Variants in FLVCR2 observed in about 807,000 individuals in gnomAD.
The protein encoded by FLVCR2 is FLVCR choline and putative heme transporter 2, also known as choline/ethanolamine transporter FLVCR2.
In FLVCR2, 38 loss-of-function variants were observed where a neutral mutation model predicts 48.9. The observed-to-expected ratio is 0.78, with a 90% confidence interval of 0.60 to 1.02. The LOEUF (loss-of-function observed/expected upper bound fraction) is 1.02, where lower values mean the gene tolerates loss of function less well. Among genes scored for constraint, FLVCR2 ranks in the 50% least tolerant of loss-of-function variants. The pLI is 0.00. For synonymous variants in FLVCR2, 255 were observed against 257.0 expected (o/e 0.99, Z 0.07); for missense variants, 664 against 663.3 (o/e 1.00, Z -0.01).
chr14:75,626,000 CT>C (rs1021902151), intron 3 of FLVCR2, among the ~76,000 whole-genome samples: 2 of 151,482 alleles, frequency 1.3e-5, no homozygotes, highest in African/African-American at 2.4e-5. Flanking sequence ...TGCTTTTTTT[CT>C]TTTTTTTAAG....
intron 1 of FLVCR2, among the ~76,000 whole-genome samples, chr14:75,607,532 A>C (rs1302493115): frequency 1.3e-5 from 2 of 152,138 alleles, no homozygotes; most frequent in African/African-American, 4.8e-5. Context: ...AGGGCTGGGA[A>C]TGGAACCTCA....
intron 1 of FLVCR2, among the ~76,000 whole-genome samples, chr14:75,601,360 T>G (rs1481838679): frequency 1.3e-5 from 2 of 152,230 alleles, no homozygotes; most frequent in Non-Finnish European, 2.9e-5. Flanking sequence ...ATCACAGTGC[T>G]GCAGAGATTT....
At chr14:75,617,130 G>A (rs149612227) in intron 1 of FLVCR2, among the ~76,000 whole-genome samples, 2 of 152,190 alleles carry the variant, frequency 1.3e-5, no homozygotes, top group African/African-American at 4.8e-5. Flanking sequence ...AGCTGGCATA[G>A]CATGTGTGTT....
chr14:75,645,643 C>T (rs915419860), intron 9 of FLVCR2, among the ~76,000 whole-genome samples: 2 of 152,134 alleles, frequency 1.3e-5, no homozygotes, highest in South Asian at 2.1e-4. Context: ...CTCAGCTGGG[C>T]GCGGTGGGTC....
intron 1 of FLVCR2, among the ~76,000 whole-genome samples, chr14:75,582,651 G>A (rs1888639433): frequency 6.6e-6 from 1 of 152,180 alleles, no homozygotes; most frequent in South Asian, 2.1e-4. Flanking sequence ...GCACAGCCCT[G>A]TACTTTGGCT....
At chr14:75,619,677 A>AT (rs1478261594) in intron 1 of FLVCR2, among the ~76,000 whole-genome samples, 3 of 152,220 alleles carry the variant, frequency 2.0e-5, no homozygotes, top group Admixed American at 2.0e-4. Flanking sequence ...CTGGGCATAA[A>AT]TGTACCTCCA....
At chr14:75,598,716 T>C (rs1241109053) in intron 1 of FLVCR2, among the ~76,000 whole-genome samples, 1 of 152,248 alleles carries the variant, frequency 6.6e-6, no homozygotes, top group East Asian at 1.9e-4. Flanking sequence ...CCTCAAGCGA[T>C]CCTGCTGCCT....
At chr14:75,622,253 G>A (rs1800464269) in intron 2 of FLVCR2, 33 bp downstream of exon 2, 1 of 1,609,540 alleles carries the variant, frequency 6.2e-7, no homozygotes, top group Non-Finnish European at 8.5e-7. Flanking sequence ...GGGGTAGCAG[G>A]GGGCGAAGGG....
chr14:75,606,977 G>A (rs1400839414), intron 1 of FLVCR2, among the ~76,000 whole-genome samples: 1 of 151,954 alleles, frequency 6.6e-6, no homozygotes, highest in African/African-American at 2.4e-5. Flanking sequence ...CTGGGCACCA[G>A]AGCAGACCCA....
intron 5 of FLVCR2, among the ~76,000 whole-genome samples, chr14:75,636,276 G>T (rs1032754959): frequency 3.9e-5 from 6 of 152,214 alleles, no homozygotes; most frequent in African/African-American, 1.4e-4. Context: ...CATTCTGGCT[G>T]CCCTAATCAA....
chr14:75,598,729 G>T (rs1238106004), intron 1 of FLVCR2, among the ~76,000 whole-genome samples: 2 of 152,186 alleles, frequency 1.3e-5, no homozygotes, highest in Non-Finnish European at 2.9e-5. Context: ...TGCTGCCTCC[G>T]CCTCCCACAG....
At chr14:75,582,973 GTA>G (rs1263868275) in intron 1 of FLVCR2, among the ~76,000 whole-genome samples, 1 of 152,186 alleles carries the variant, frequency 6.6e-6, no homozygotes, top group Admixed American at 6.5e-5. Context: ...GCCAAGATAG[GTA>G]ACAGATGAAG....
chr14:75,595,856 G>A (rs1334988025), intron 1 of FLVCR2: 2 of 1,001,542 alleles, frequency 2.0e-6, no homozygotes, highest in Admixed American at 1.7e-5. Context: ...CAGTCCCCCT[G>A]ACTTTCCTCA....
rs1333329122 is a variant in FLVCR2, at chr14:75,641,310, G to C, written c.1453+17G>C. Reference sequence around the variant, plus strand: ...CCCTCACTGGTGAGTTGGAGCCTGAGGGCAAGATGAGGCTCAGGTTGGCCA... The same window carrying C: ...CCCTCACTGGTGAGTTGGAGCCTGACGGCAAGATGAGGCTCAGGTTGGCCA... On this transcript the variant is annotated intron_variant, in intron 8 of 9. Transcript: ENST00000238667. 6.3e-7 allele frequency: 1 copy of C among 1,583,524 alleles called. No homozygotes were observed. The highest frequency in any genetic ancestry group is 8.7e-7 in the Non-Finnish European group (1 of 1,152,476).
At chr14:75,600,526 G>C (rs1471529263) in intron 1 of FLVCR2, among the ~76,000 whole-genome samples, 1 of 152,100 alleles carries the variant, frequency 6.6e-6, no homozygotes, top group Non-Finnish European at 1.5e-5. Context: ...ACTGAGATCT[G>C]TATCAGAACC....
intron 1 of FLVCR2, among the ~76,000 whole-genome samples, chr14:75,588,778 C>T (rs1176807041): frequency 6.6e-6 from 1 of 152,152 alleles, no homozygotes; most frequent in African/African-American, 2.4e-5. Context: ...TGCACCTGGC[C>T]CCCCAACACA....
intron 1 of FLVCR2, among the ~76,000 whole-genome samples, chr14:75,617,478 C>G (rs1165121454): frequency 6.6e-6 from 1 of 152,164 alleles, no homozygotes; most frequent in Admixed American, 6.5e-5. Context: ...GTTAAACACC[C>G]TCTATTGGGA....
At chr14:75,629,445 T>C (rs1889984812) in intron 3 of FLVCR2, among the ~76,000 whole-genome samples, 1 of 152,222 alleles carries the variant, frequency 6.6e-6, no homozygotes, top group South Asian at 2.1e-4. Flanking sequence ...CCTTTAACTT[T>C]GGCAATGTGG....
intron 9 of FLVCR2, among the ~76,000 whole-genome samples, chr14:75,645,356 C>T (rs918083043): frequency 1.3e-5 from 2 of 152,110 alleles, no homozygotes; most frequent in Non-Finnish European, 2.9e-5. Context: ...GTGCCCAAGG[C>T]CTTCTTGTGA....
Sources: gnomAD v4.1 joint callset for allele counts (sites outside exome capture counted in the v4.1 genomes callset) on GRCh38, gnomAD v4.1.1 for gene constraint, MANE v1.5 for transcripts, NCBI Gene and HGNC (gene_info 2026-07-23, HGNC 2026-07-21) for gene names.